Variants in ADGRL3 observed in about 807,000 individuals in gnomAD.
ADGRL3 encodes calcium-independent alpha-latrotoxin receptor 3.
Under a neutral mutation model 153.5 loss-of-function variants are expected in ADGRL3, and 62 were observed. The ratio of observed to expected loss-of-function variants is 0.40; its 90% CI spans 0.33 to 0.50. The LOEUF (loss-of-function observed/expected upper bound fraction) is 0.50, where lower values mean the gene tolerates loss of function less well. ADGRL3 is among the 20% of genes least tolerant of loss of function. The probability of loss-of-function intolerance (pLI) is 0.47; values close to 1 mark genes in which losing one functional copy is unlikely to be tolerated. For missense variants in ADGRL3, 1,641 were observed against 1,859.4 expected (o/e 0.88, Z 2.16); for synonymous variants, 710 against 672.5 (o/e 1.06, Z -0.86).
chr4:61,587,155 A>G, intron 4 of ADGRL3, 72 bp from the exon 5 acceptor site: 3 of 959,504 alleles, frequency 3.1e-6, no homozygotes, highest in Non-Finnish European at 4.7e-6. Flanking sequence ...AACATTGGAA[A>G]AGCGAACACA....
chr4:61,711,489 T>TATATAC (rs1216182444), intron 6 of ADGRL3, among the ~76,000 whole-genome samples: 1 of 107,942 alleles, frequency 9.3e-6, no homozygotes, highest in Non-Finnish European at 1.9e-5. Flanking sequence ...TATATATATA[T>TATATAC]ATACACACAC....
intron 21 of ADGRL3, among the ~76,000 whole-genome samples, chr4:62,002,491 C>T (rs1230913326): frequency 6.6e-6 from 1 of 150,922 alleles, no homozygotes; most frequent in Non-Finnish European, 1.5e-5. Context: ...TCATAGAAAA[C>T]CCCTTTTGAT....
chr4:61,935,066 T>TAA, intron 14 of ADGRL3, 43 bp downstream of exon 14: 3 of 1,553,962 alleles, frequency 1.9e-6, no homozygotes, highest in Non-Finnish European at 2.7e-6. Flanking sequence ...CACTCTTGTA[T>TAA]ATCAGAAGAG....
rs1198092421 is a variant in ADGRL3 at position 61,769,470 on chromosome 4, G to A, written c.1399+35916G>A. 5.8e-5 allele frequency among the ~76,000 whole-genome samples: 7 copies of A among 121,552 alleles called. No homozygotes were observed. In the East Asian group the frequency reaches 1.1e-3, roughly 20 times the overall value. The allele number at this position is 121,552 out of a possible 152,430, so 79.7% of individuals were successfully genotyped here. The stretch of plus-strand genomic sequence containing the variant: ...GAGGTCGTAGGTGGATCTTTCTCAC[G>A]GAGCAAAGAGCAGGAGGACAGGGGA... On this transcript the variant is annotated intron_variant, in intron 8 of 26. Coordinates refer to ENST00000683033, the MANE Select transcript of ADGRL3 (RefSeq NM_001387552.1).
chr4:61,236,631 C>A (rs1015146049), intron 1 of ADGRL3, among the ~76,000 whole-genome samples: 1 of 151,878 alleles, frequency 6.6e-6, no homozygotes, highest in Non-Finnish European at 1.5e-5. Context: ...ATGATGATTG[C>A]AAACTATCTT....
chr4:61,730,253 C>T (rs2096416655), intron 6 of ADGRL3, among the ~76,000 whole-genome samples: 1 of 151,858 alleles, frequency 6.6e-6, no homozygotes, highest in Admixed American at 6.6e-5. Context: ...ACTAGTCAAA[C>T]TATTTGAAAG....
chr4:61,844,907 A>T (rs1189658322), intron 9 of ADGRL3, among the ~76,000 whole-genome samples: 1 of 151,920 alleles, frequency 6.6e-6, no homozygotes, highest in Non-Finnish European at 1.5e-5. Context: ...ATTATTCTTC[A>T]CATGTCAGTT....
At chr4:61,490,150 C>G (rs335294) in intron 2 of ADGRL3, among the ~76,000 whole-genome samples, 116,712 of 151,958 alleles carry the variant, frequency 0.77, 46,418 homozygotes, top group East Asian at 0.95. Flanking sequence ...CTTCCTCCAC[C>G]TACTGTTGAG....
At chr4:61,548,936 T>A (rs2098727432) in intron 4 of ADGRL3, among the ~76,000 whole-genome samples, 1 of 151,990 alleles carries the variant, frequency 6.6e-6, no homozygotes, top group Non-Finnish European at 1.5e-5. Context: ...GCAATATGGG[T>A]GTTTTAACAA....
At chr4:61,461,447 T>C (rs1355752809) in intron 2 of ADGRL3, among the ~76,000 whole-genome samples, 1 of 152,180 alleles carries the variant, frequency 6.6e-6, no homozygotes, top group Non-Finnish European at 1.5e-5. Context: ...GATTTGATTA[T>C]TACACATTGT....
At chr4:61,833,958 C>CTTTTTTTTT (rs113049750) in intron 9 of ADGRL3, among the ~76,000 whole-genome samples, 1 of 123,464 alleles carries the variant, frequency 8.1e-6, no homozygotes, top group African/African-American at 2.9e-5. Context: ...AAGGCAGCTT[C>CTTTTTTTTT]TTTTTTTTTT....
chr4:61,345,959 T>C (rs1334555886), intron 1 of ADGRL3, among the ~76,000 whole-genome samples: 1 of 152,160 alleles, frequency 6.6e-6, no homozygotes, highest in Non-Finnish European at 1.5e-5. Flanking sequence ...GACCAGCTCA[T>C]GTTGATAAGA....
At chr4:61,467,621 G>C (rs2097901616) in intron 2 of ADGRL3, among the ~76,000 whole-genome samples, 2 of 152,044 alleles carry the variant, frequency 1.3e-5, no homozygotes. Flanking sequence ...GAAACACTCT[G>C]AAGTGGATAT....
chr4:61,214,230 T>C (rs1741559350), intron 1 of ADGRL3, among the ~76,000 whole-genome samples: 1 of 152,194 alleles, frequency 6.6e-6, no homozygotes. Context: ...ATGCCTCATG[T>C]CTTTGAATTT....
At chr4:61,312,626 A>T (rs1198142909) in intron 1 of ADGRL3, among the ~76,000 whole-genome samples, 1 of 152,246 alleles carries the variant, frequency 6.6e-6, no homozygotes, top group Non-Finnish European at 1.5e-5. Flanking sequence ...CAGATAAAAA[A>T]TAAGCATACT....
At chr4:61,768,307 A>C (rs1320774855) in intron 8 of ADGRL3, among the ~76,000 whole-genome samples, 1 of 152,030 alleles carries the variant, frequency 6.6e-6, no homozygotes, top group Non-Finnish European at 1.5e-5. Flanking sequence ...GCGGAGGCTG[A>C]GGAAGAATTG....
At chr4:61,419,025 G>A (rs1208958326) in intron 2 of ADGRL3, among the ~76,000 whole-genome samples, 1 of 150,752 alleles carries the variant, frequency 6.6e-6, no homozygotes, top group African/African-American at 2.5e-5. Flanking sequence ...GTAATTCTCA[G>A]AATGCATAGC....
At chr4:61,650,210 G>T (rs1346214897) in intron 5 of ADGRL3, among the ~76,000 whole-genome samples, 1 of 151,804 alleles carries the variant, frequency 6.6e-6, no homozygotes, top group Non-Finnish European at 1.5e-5. Context: ...TTATTAAGCA[G>T]GATAATTTTT....
chr4:61,736,592 A>T (rs1171265055), intron 8 of ADGRL3, among the ~76,000 whole-genome samples: 51 of 152,194 alleles, frequency 3.4e-4, no homozygotes, highest in Admixed American at 3.1e-3. Flanking sequence ...TGGGAGGCGG[A>T]GGTTGCAGCG....
Sources: gnomAD v4.1 joint callset for allele counts (sites outside exome capture counted in the v4.1 genomes callset) on GRCh38, gnomAD v4.1.1 for gene constraint, MANE v1.5 for transcripts, NCBI Gene and HGNC (gene_info 2026-07-23, HGNC 2026-07-21) for gene names.